The following PEBP4 variants were observed in gnomAD, a reference collection of about 807,000 sequenced individuals.
PEBP4 encodes phosphatidylethanolamine binding protein 4.
A neutral mutation model predicts 23.9 loss-of-function variants in PEBP4; 22 were observed. The observed-to-expected ratio is 0.92, with a 90% CI of 0.66 to 1.31. The LOEUF (loss-of-function observed/expected upper bound fraction) is 1.31, where lower values mean the gene tolerates loss of function less well. PEBP4 is among the 40% of genes most tolerant of loss of function. PEBP4 has a pLI of 0.00. For synonymous variants in PEBP4, 112 were observed against 99.3 expected, an observed-to-expected ratio of 1.13 and a Z score of -0.76; for missense variants, 324 against 281.7, an observed-to-expected ratio of 1.15 and a Z score of -1.07.
At chr8:22,868,019 G>T (rs1475401298) in intron 3 of PEBP4, among the ~76,000 whole-genome samples, 6 of 152,212 alleles carry the variant, frequency 3.9e-5, no homozygotes, top group Non-Finnish European at 4.4e-5. Context: ...GCCCAGCCCG[G>T]CTGGCAGGGG....
At chr8:22,918,517 C>T (rs1200353705) in intron 3 of PEBP4, among the ~76,000 whole-genome samples, 1 of 152,192 alleles carries the variant, frequency 6.6e-6, no homozygotes, top group Non-Finnish European at 1.5e-5. Context: ...ACTTTCCCAA[C>T]AGGCTTCAAA....
chr8:22,817,762 G>A (rs1386433348), intron 3 of PEBP4, 27 bp from the exon 4 acceptor site: 1 of 1,596,702 alleles, frequency 6.3e-7, no homozygotes, highest in Non-Finnish European at 8.6e-7. Context: ...GAAAAGTAAT[G>A]TAGCGTCATG....
intron 4 of PEBP4, among the ~76,000 whole-genome samples, chr8:22,806,782 G>A (rs1222244692): frequency 6.6e-6 from 1 of 152,156 alleles, no homozygotes; most frequent in Non-Finnish European, 1.5e-5. Context: ...AGTCATTGAA[G>A]CAACATCTCT....
At chr8:22,862,036 A>G (rs2128768816) in intron 3 of PEBP4, among the ~76,000 whole-genome samples, 1 of 152,322 alleles carries the variant, frequency 6.6e-6, no homozygotes. Flanking sequence ...AGTGATGCCA[A>G]CACAAAAGCG....
At chr8:22,740,347 G>A (rs933324242) in intron 4 of PEBP4, among the ~76,000 whole-genome samples, 2 of 152,334 alleles carry the variant, frequency 1.3e-5, no homozygotes, top group East Asian at 3.9e-4. Context: ...GGGACTGATG[G>A]TGAACTTGGA....
chr8:22,744,047 G>T (rs996651229), intron 4 of PEBP4, among the ~76,000 whole-genome samples: 2 of 152,204 alleles, frequency 1.3e-5, no homozygotes, highest in African/African-American at 4.8e-5. Flanking sequence ...TTTTTAAAGA[G>T]ATACTTGCCC....
intron 3 of PEBP4, among the ~76,000 whole-genome samples, chr8:22,863,444 CATAG>C (rs1260158026): frequency 6.6e-6 from 1 of 152,170 alleles, no homozygotes; most frequent in Non-Finnish European, 1.5e-5. Flanking sequence ...AAACCTCAGT[CATAG>C]ATAGTTGGCA....
chr8:22,924,011 T>A (rs754409849), intron 2 of PEBP4, among the ~76,000 whole-genome samples: 1 of 152,134 alleles, frequency 6.6e-6, no homozygotes, highest in African/African-American at 2.4e-5. Context: ...AAAAGACACA[T>A]GGGATATGAG....
intron 3 of PEBP4, among the ~76,000 whole-genome samples, chr8:22,837,952 G>A (rs1807241692): frequency 7.4e-6 from 1 of 134,972 alleles, no homozygotes; most frequent in Non-Finnish European, 1.5e-5. Context: ...AAGCTGGAGT[G>A]CAGTGGTGTG....
In PEBP4 at chr8:22,713,492, C is replaced by T. The variant is rs750520461; in HGVS notation, c.562G>A (p.Glu188Lys). The T allele has an allele frequency of 8.7e-6, 14 of 1,613,988 alleles. No homozygotes were observed. In the East Asian group the frequency reaches 8.9e-5, roughly 10 times the overall value. ...ATGAACTGGGTGCTTGCTTCAGGTTCGCCCAGGTGGAAACGGTTCAGAAAT... is the reference window on the plus strand; with the variant it reads ...ATGAACTGGGTGCTTGCTTCAGGTTTGCCCAGGTGGAAACGGTTCAGAAAT... ...DRFLNRFHLG[E>K]PEASTQFMTQ... Residue 188 changes from glutamate (E) to lysine (K), a missense_variant, in exon 7 of 7, where the codon GAA becomes AAA. By Grantham distance (56) the Glu-to-Lys change is moderately conservative. Transcript: ENST00000256404.
intron 3 of PEBP4, among the ~76,000 whole-genome samples, chr8:22,898,384 T>C (rs1416070412): frequency 1.3e-5 from 1 of 78,666 alleles, no homozygotes; most frequent in African/African-American, 5.6e-5. Flanking sequence ...AGAGGAAGAC[T>C]CCACCCCAAA....
intron 6 of PEBP4, among the ~76,000 whole-genome samples, chr8:22,722,242 T>A (rs1381582685): frequency 2.0e-5 from 3 of 152,096 alleles, no homozygotes. Flanking sequence ...ACTCAAGGAT[T>A]CAGATCTCCT....
At chr8:22,761,408 A>T (rs1585259153) in intron 4 of PEBP4, among the ~76,000 whole-genome samples, 1 of 152,064 alleles carries the variant, frequency 6.6e-6, no homozygotes, top group Non-Finnish European at 1.5e-5. Context: ...GGAGGCGGGG[A>T]AGGCGGAGAG....
At chr8:22,771,215 T>G (rs767785072) in intron 4 of PEBP4, among the ~76,000 whole-genome samples, 18 of 152,252 alleles carry the variant, frequency 1.2e-4, no homozygotes, top group Non-Finnish European at 2.5e-4. Flanking sequence ...ATTTGTTGGC[T>G]GGGCACAGTG....
intron 4 of PEBP4, among the ~76,000 whole-genome samples, chr8:22,770,323 C>T (rs929129166): frequency 1.3e-5 from 2 of 152,222 alleles, no homozygotes; most frequent in Non-Finnish European, 2.9e-5. Context: ...GCCTCCCTTA[C>T]CCTCCCTTAT....
intron 3 of PEBP4, among the ~76,000 whole-genome samples, chr8:22,904,935 G>A (rs1808782415): frequency 6.6e-6 from 1 of 152,070 alleles, no homozygotes; most frequent in African/African-American, 2.4e-5. Context: ...ATACTACAAT[G>A]AACATCCTTT....
At chr8:22,740,237 C>T (rs771139841) in intron 4 of PEBP4, among the ~76,000 whole-genome samples, 20 of 152,130 alleles carry the variant, frequency 1.3e-4, no homozygotes, top group East Asian at 3.8e-4. Flanking sequence ...AAGATGCTGG[C>T]GAGATTTGGA....
In PEBP4 at chr8:22,885,752, T is replaced by A. The variant is rs116889132; in HGVS notation, c.258+34432A>T. 13 of 152,328 alleles carry A rather than the reference T, an allele frequency of 8.5e-5. 1 individual carries two copies. The East Asian group carries it at 2.5e-3, about 29-fold the overall frequency. The allele number at this position is 152,328 out of a possible 1,614,324, so 9.4% of individuals were successfully genotyped here. ...TCTGAAAGAAGTCAGGACTCATGCA[T>A]GCAGATGAATACGCCTCGTGGGTAT... On this transcript the variant is annotated intron_variant, in intron 3 of 6. Transcript: ENST00000256404.
At chr8:22,873,600 C>A (rs902112347) in intron 3 of PEBP4, among the ~76,000 whole-genome samples, 1 of 152,164 alleles carries the variant, frequency 6.6e-6, no homozygotes. Context: ...CCACTGCACT[C>A]CAGCCTGGGC....
Sources: allele counts gnomAD v4.1 joint callset (sites outside exome capture counted in the v4.1 genomes callset), GRCh38; gene constraint gnomAD v4.1.1; transcripts MANE v1.5; gene names NCBI Gene and HGNC (gene_info 2026-07-23, HGNC 2026-07-21).